MARCHF1: variants seen among roughly 807,000 people sequenced by gnomAD.
The protein encoded by MARCHF1 is E3 ubiquitin-protein ligase MARCHF1.
A neutral mutation model predicts 54.2 loss-of-function variants in MARCHF1; 40 were observed. The ratio of observed to expected loss-of-function variants is 0.74; its 90% CI spans 0.57 to 0.96. The LOEUF is 0.96. MARCHF1 is among the 40% of genes least tolerant of loss of function. The pLI is 0.00. For synonymous variants in MARCHF1, 236 were observed against 236.3 expected, an observed-to-expected ratio of 1.00 and a Z score of 0.01; for missense variants, 586 against 656.5, an observed-to-expected ratio of 0.89 and a Z score of 1.17.
intron 1 of MARCHF1, among the ~76,000 whole-genome samples, chr4:164,333,750 G>T (rs1280485724): frequency 6.6e-6 from 1 of 152,194 alleles, no homozygotes; most frequent in South Asian, 2.1e-4. Context: ...AGCTACAAAT[G>T]ATTAAACTTA....
chr4:163,978,077 C>T (rs769673553), intron 3 of MARCHF1, among the ~76,000 whole-genome samples: 2 of 152,196 alleles, frequency 1.3e-5, no homozygotes, highest in South Asian at 2.1e-4. Context: ...CCAGAAAATT[C>T]GTTGCTCAGC....
chr4:164,157,083 C>A (rs1730097939), intron 1 of MARCHF1, among the ~76,000 whole-genome samples: 2 of 151,984 alleles, frequency 1.3e-5, no homozygotes, highest in Admixed American at 1.3e-4. Flanking sequence ...CTTTTTGTAT[C>A]TCTGATATAT....
intron 2 of MARCHF1, among the ~76,000 whole-genome samples, chr4:164,101,238 G>A (rs1371804572): frequency 6.6e-6 from 1 of 152,180 alleles, no homozygotes; most frequent in Non-Finnish European, 1.5e-5. Context: ...CAGCCTGGAA[G>A]CTCAAACTGG....
chr4:164,276,806 GAATAT>G (rs1733893587), intron 1 of MARCHF1, among the ~76,000 whole-genome samples: 2 of 148,940 alleles, frequency 1.3e-5, no homozygotes, highest in South Asian at 4.2e-4. Context: ...CTGAGTAGAA[GAATAT>G]GAGACATTTC....
At chr4:164,073,291 A>G (rs931970348) in intron 2 of MARCHF1, among the ~76,000 whole-genome samples, 8 of 152,202 alleles carry the variant, frequency 5.3e-5, no homozygotes, top group African/African-American at 1.9e-4. Context: ...TGTGGCACAT[A>G]TACACCATGG....
At chr4:164,002,446 T>G (rs375491175) in intron 2 of MARCHF1, among the ~76,000 whole-genome samples, 4 of 151,634 alleles carry the variant, frequency 2.6e-5, no homozygotes, top group Non-Finnish European at 5.9e-5. Flanking sequence ...ACTATGTAAA[T>G]GTAAAATCAA....
rs529590760 is a variant in MARCHF1, at chr4:164,126,835, C to T, written c.-322-15173G>A. 1.2e-3 allele frequency among the ~76,000 whole-genome samples: 185 copies of T among 152,260 alleles called. 5 individuals carry two copies. The South Asian group carries it at 0.037, about 31-fold the overall frequency. On this transcript the variant is annotated intron_variant, in intron 1 of 9. Transcript: ENST00000514618. ...ATTTGGGAGGCCGAGGCAGGCGCAT[C>T]ACTTGAGGTCAGGAGCTCAAGACCA...
chr4:164,167,554 A>T (rs145969853), intron 1 of MARCHF1, among the ~76,000 whole-genome samples: 48 of 146,676 alleles, frequency 3.3e-4, no homozygotes, highest in Admixed American at 1.2e-3. Flanking sequence ...AGTAATTTAA[A>T]AAGTATAGTA....
chr4:164,379,204 C>A (rs990738266), intron 1 of MARCHF1, among the ~76,000 whole-genome samples: 19 of 151,836 alleles, frequency 1.3e-4, no homozygotes, highest in Admixed American at 1.1e-3. Flanking sequence ...CAAATGTACA[C>A]TTGGAAATTT....
At chr4:164,379,331 A>G (rs1471401697) in intron 1 of MARCHF1, among the ~76,000 whole-genome samples, 2 of 151,556 alleles carry the variant, frequency 1.3e-5, no homozygotes, top group East Asian at 1.9e-4. Context: ...CACAGAGAGA[A>G]AAAAAAAGTA....
intron 5 of MARCHF1, among the ~76,000 whole-genome samples, chr4:163,682,840 C>A (rs2111169940): frequency 6.6e-6 from 1 of 152,280 alleles, no homozygotes; most frequent in Admixed American, 6.5e-5. Context: ...CCTCCCAAGC[C>A]ATGCTAAACT....
intron 2 of MARCHF1, among the ~76,000 whole-genome samples, chr4:164,089,481 G>A (rs1437262520): frequency 1.3e-5 from 2 of 152,116 alleles, no homozygotes; most frequent in Admixed American, 6.6e-5. Flanking sequence ...TGAAAGTGTT[G>A]TATATGTCTA....
chr4:164,280,374 G>A (rs759896544), intron 1 of MARCHF1, among the ~76,000 whole-genome samples: 6 of 151,950 alleles, frequency 3.9e-5, no homozygotes, highest in Admixed American at 6.6e-5. Flanking sequence ...CAATGGAATT[G>A]CATAGAAAGA....
At chr4:163,833,941 C>G (rs1749104593) in intron 4 of MARCHF1, among the ~76,000 whole-genome samples, 2 of 152,124 alleles carry the variant, frequency 1.3e-5, no homozygotes, top group South Asian at 4.1e-4. Context: ...TCCATGTCTA[C>G]AAATGAGCAG....
At chr4:164,070,334 C>T (rs1437392909) in intron 2 of MARCHF1, among the ~76,000 whole-genome samples, 3 of 152,036 alleles carry the variant, frequency 2.0e-5, no homozygotes, top group East Asian at 1.9e-4. Context: ...TATTAAAGTA[C>T]CCTGCAAAAG....
At chr4:164,332,637 G>A (rs1361509218) in intron 1 of MARCHF1, among the ~76,000 whole-genome samples, 1 of 152,068 alleles carries the variant, frequency 6.6e-6, no homozygotes, top group Non-Finnish European at 1.5e-5. Flanking sequence ...CTTTAGGGCT[G>A]GCCTTGAACA....
At chr4:164,090,682 A>G (rs928135401) in intron 2 of MARCHF1, among the ~76,000 whole-genome samples, 2 of 152,148 alleles carry the variant, frequency 1.3e-5, no homozygotes, top group African/African-American at 4.8e-5. Flanking sequence ...CAAGATTAAC[A>G]GGATAGGATT....
Position 164,240,077 on chromosome 4 carries a change from T to C in MARCHF1, c.-322-128415A>G, listed in dbSNP as rs888506998. ...ATTGACATAAACTGGACAAATGAAA[T>C]AGATTGTTCATCTCAAGATCTGTAT... is the stretch of plus-strand genomic sequence containing the variant. On this transcript the variant is annotated intron_variant, in intron 1 of 9. Transcript: ENST00000514618. 8.5e-5 allele frequency among the ~76,000 whole-genome samples: 13 copies of C among 152,296 alleles called. 3 individuals carry two copies. Among genetic ancestry groups the C allele is most frequent in the South Asian group, 4.1e-4 (2 of 4,832 alleles).
At chr4:163,714,512 C>T (rs1485599460) in intron 4 of MARCHF1, among the ~76,000 whole-genome samples, 2 of 152,202 alleles carry the variant, frequency 1.3e-5, no homozygotes, top group Admixed American at 1.3e-4. Context: ...ATTTCAATCA[C>T]ATTTACTTTC....
Sources: gnomAD v4.1 joint callset for allele counts (sites outside exome capture counted in the v4.1 genomes callset) on GRCh38, gnomAD v4.1.1 for gene constraint, MANE v1.5 for transcripts, NCBI Gene and HGNC (gene_info 2026-07-23, HGNC 2026-07-21) for gene names.